The following SNRPG variants were observed in gnomAD, a reference collection of about 807,000 sequenced individuals.
SNRPG encodes small nuclear ribonucleoprotein G.
A neutral mutation model predicts 13.9 loss-of-function variants in SNRPG; 3 were observed. That is an observed-to-expected ratio of 0.22 (90% CI 0.10 to 0.56). The LOEUF (loss-of-function observed/expected upper bound fraction) is 0.56, where lower values mean the gene tolerates loss of function less well. Ranked by LOEUF, SNRPG falls within the 20% of genes least tolerant of loss-of-function variation. The probability of loss-of-function intolerance (pLI) is 0.93; values close to 1 mark genes in which losing one functional copy is unlikely to be tolerated. For synonymous variants in SNRPG, 29 were observed against 29.3 expected (o/e 0.99, Z 0.03); for missense variants, 34 against 96.1 (o/e 0.35, Z 2.70).
rs143272822 is a variant in SNRPG at position 70,287,796 on chromosome 2, A to C, written c.180+272T>G. ...GAACTACTGCTCTAATGAAGGACCA[A>C]CTATGAGCCTCTATTGCAGAATAAA... On this transcript the variant is annotated intron_variant, in intron 3 of 3. Coordinates refer to ENST00000272348, the MANE Select transcript of SNRPG (RefSeq NM_003096.4). 4.6e-4 allele frequency: 224 copies of C among 483,762 alleles called. 2 individuals carry two copies. In the East Asian group the frequency reaches 8.2e-3, roughly 18 times the overall value. 30.0% of individuals were successfully genotyped at this position (483,762 alleles called of 1,614,324 possible).
chr2:70,293,317 C>A, intron 1 of SNRPG: 2 of 657,446 alleles, frequency 3.0e-6, no homozygotes, highest in Non-Finnish European at 5.5e-6. Context: ...CAAAAGGTAG[C>A]ACTGGAGATC....
At position 70,281,722 on chromosome 2, in the gene SNRPG, A is replaced by G. The variant is rs201434730; in HGVS notation, c.181-38T>C. ...AAAATAAATTTGAAAAGAACAACTC[A>G]GGTAACAGACATAACTATGATGATT... On this transcript the variant is annotated intron_variant, in intron 3 of 3. Coordinates refer to ENST00000272348, the MANE Select transcript of SNRPG (RefSeq NM_003096.4). 7.3e-6 allele frequency: 8 copies of G among 1,092,886 alleles called. No individual in the cohort carries two copies. In the East Asian group the frequency reaches 1.7e-4, roughly 23 times the overall value. 67.7% of individuals were successfully genotyped at this position (1,092,886 alleles called of 1,614,324 possible).
At chr2:70,286,918 A>T (rs990907597) in intron 3 of SNRPG, among the ~76,000 whole-genome samples, 4 of 152,220 alleles carry the variant, frequency 2.6e-5, no homozygotes, top group Non-Finnish European at 4.4e-5. Context: ...TGGGGTATCT[A>T]GAAAATGTTT....
At chr2:70,287,245 T>C in intron 3 of SNRPG, 1 of 694,468 alleles carries the variant, frequency 1.4e-6, no homozygotes, top group South Asian at 1.5e-5. Context: ...AAATCAAGGC[T>C]AATAATTAGC....
intron 3 of SNRPG, chr2:70,287,270 C>T (rs978303103): frequency 1.0e-5 from 7 of 701,224 alleles, no homozygotes; most frequent in Non-Finnish European, 1.6e-5. Flanking sequence ...CTTACCACTC[C>T]TTGGAGGTCT....
intron 1 of SNRPG, chr2:70,292,669 C>CT (rs1189579170): frequency 6.3e-6 from 1 of 159,016 alleles, no homozygotes; most frequent in Non-Finnish European, 1.4e-5. Context: ...TAAATAGGAA[C>CT]TTTACCTTTT....
chr2:70,289,307 A>G, intron 2 of SNRPG, 43 bp downstream of exon 2: 1 of 1,191,936 alleles, frequency 8.4e-7, no homozygotes. Context: ...TGTAAAAAGC[A>G]ATTAAATAAT....
intron 3 of SNRPG, among the ~76,000 whole-genome samples, chr2:70,286,069 G>C (rs990385564): frequency 2.0e-5 from 3 of 152,138 alleles, no homozygotes; most frequent in African/African-American, 7.2e-5. Flanking sequence ...TGGGACTACA[G>C]GTGCACACCA....
intron 1 of SNRPG, among the ~76,000 whole-genome samples, chr2:70,291,612 G>C (rs745511231): frequency 6.6e-6 from 1 of 152,070 alleles, no homozygotes; most frequent in Non-Finnish European, 1.5e-5. Context: ...CCAGAAGGAG[G>C]GCATAATGGT....
chr2:70,290,695 A>C (rs1006855286), intron 1 of SNRPG, among the ~76,000 whole-genome samples: 1 of 151,604 alleles, frequency 6.6e-6, no homozygotes, highest in Non-Finnish European at 1.5e-5. Context: ...AAGTAAAAAT[A>C]TATTTATGGG....
chr2:70,287,953 G>T (rs1317922363), intron 3 of SNRPG, 115 bp downstream of exon 3: 8 of 941,156 alleles, frequency 8.5e-6, no homozygotes, highest in Non-Finnish European at 1.4e-5. Flanking sequence ...AAAGGAGATG[G>T]AAAGTCTAAT....
intron 1 of SNRPG, chr2:70,293,262 C>T: frequency 1.4e-6 from 1 of 701,324 alleles, no homozygotes; most frequent in Non-Finnish European, 2.6e-6. Context: ...AGAATTTCCC[C>T]CTCTAGCCGT....
chr2:70,291,673 G>C (rs1364942395), intron 1 of SNRPG, among the ~76,000 whole-genome samples: 1 of 152,098 alleles, frequency 6.6e-6, no homozygotes. Flanking sequence ...AAATTTTTAA[G>C]TCATTTTGGC....
At position 70,284,724 on chromosome 2, in the gene SNRPG, C is replaced by T. The variant is rs917130577; in HGVS notation, c.181-3040G>A. Among the ~76,000 whole-genome samples the T allele has an allele frequency of 6.6e-5, 10 of 152,056 alleles. No homozygotes were observed. The South Asian group carries it at 1.0e-3, about 16-fold the overall frequency. On this transcript the variant is annotated intron_variant, in intron 3 of 3. Transcript: ENST00000272348. ...AAATTCTCAATTTTTTTTTTGGCAA[C>T]AGATATTGAACATCACATCTCATTG...
chr2:70,293,457 A>C lies in SNRPG; in HGVS notation c.32+161T>G, dbSNP rs867609215. 89 of 745,286 alleles carry C rather than the reference A, an allele frequency of 1.2e-4. No individual in the cohort carries two copies. The Middle Eastern group carries it at 2.6e-3, about 22-fold the overall frequency. 46.2% of individuals were successfully genotyped at this position (745,286 alleles called of 1,614,324 possible). ...GACGCGCGAGCTCTGCGCGGGCTTC[A>C]CGTCTCATGCGCGGGAGCCTGGCCG... On this transcript the variant is annotated intron_variant, in intron 1 of 3. Transcript: ENST00000272348.
intron 3 of SNRPG, among the ~76,000 whole-genome samples, chr2:70,284,374 T>C (rs1267084872): frequency 6.6e-6 from 1 of 152,144 alleles, no homozygotes; most frequent in Non-Finnish European, 1.5e-5. Flanking sequence ...ATCAGAATTT[T>C]ATTTTCATTT....
intron 3 of SNRPG, among the ~76,000 whole-genome samples, chr2:70,282,862 G>C (rs768939983): frequency 3.3e-5 from 5 of 152,084 alleles, no homozygotes; most frequent in Non-Finnish European, 4.4e-5. Context: ...GGGAGGCCAA[G>C]GCGGGTGGAT....
chr2:70,284,323 T>C (rs577411786), intron 3 of SNRPG, among the ~76,000 whole-genome samples: 1 of 152,270 alleles, frequency 6.6e-6, no homozygotes, highest in African/African-American at 2.4e-5. Flanking sequence ...CACATCACCA[T>C]GCCCAGCATA....
intron 1 of SNRPG, 74 bp from the exon 2 acceptor site, chr2:70,289,446 TTAAGA>T (rs557483337): frequency 3.3e-4 from 245 of 738,814 alleles, no homozygotes; most frequent in African/African-American, 2.9e-3. Flanking sequence ...ATAGGTATAG[TTAAGA>T]TAATTTGCTA....
Sources: allele counts gnomAD v4.1 joint callset (sites outside exome capture counted in the v4.1 genomes callset), GRCh38; gene constraint gnomAD v4.1.1; transcripts MANE v1.5; gene names NCBI Gene and HGNC (gene_info 2026-07-23, HGNC 2026-07-21).